WNT16: variants seen among roughly 807,000 people sequenced by gnomAD.
WNT16 encodes protein Wnt-16.
Under a neutral mutation model 35.4 loss-of-function variants are expected in WNT16, and 20 were observed. The ratio of observed to expected loss-of-function variants is 0.56; its 90% CI spans 0.40 to 0.82. The LOEUF (loss-of-function observed/expected upper bound fraction) is 0.82, where lower values mean the gene tolerates loss of function less well. WNT16 is among the 40% of genes least tolerant of loss of function. The pLI is 0.00. For missense variants in WNT16, 461 were observed against 466.0 expected, an observed-to-expected ratio of 0.99 and a Z score of 0.10; for synonymous variants, 180 against 179.2, an observed-to-expected ratio of 1.00 and a Z score of -0.03.
chr7:121,329,903 C>T, intron 2 of WNT16, 86 bp downstream of exon 2: 1 of 1,529,440 alleles, frequency 6.5e-7, no homozygotes. Flanking sequence ...AATAGTGCTA[C>T]GTGGTCCTGT....
rs1793500051 is a variant in WNT16 at position 121,339,523 on chromosome 7, A to C, written c.*178A>C. On this transcript the variant is annotated 3_prime_UTR_variant, in exon 4 of 4. Transcript: ENST00000222462. ...ATATTTTCCTTTATCTGATCAACCC[A>C]TCAATCATGTGGATTTCTTGGGATT... The C allele has an allele frequency of 1.8e-6, 1 of 567,844 alleles. No homozygotes were observed. The highest frequency in any genetic ancestry group is 1.9e-5 in the African/African-American group (1 of 53,858). 35.2% of individuals were successfully genotyped at this position (567,844 alleles called of 1,614,324 possible). A position where few individuals can be genotyped will look rare whatever the true frequency, so the allele number is the denominator to read the frequency against.
chr7:121,327,711 G>A (rs1465250926), upstream of WNT16, among the ~76,000 whole-genome samples: 1 of 152,096 alleles, frequency 6.6e-6, no homozygotes, highest in Admixed American at 6.5e-5. Context: ...CGTCCACCAT[G>A]GGAATGTATT....
rs1391398574 is a variant in WNT16 at position 121,329,614 on chromosome 7, C to T, written c.143C>T (p.Ala48Val). Residue 48 changes from alanine (A) to valine (V), a missense_variant, in exon 2 of 4, where the codon GCC (alanine) becomes GTC (valine). Physicochemically the swap from Ala to Val is moderately conservative, Grantham distance 64. Transcript: ENST00000222462. ...SFGVPEKLGC[A>V]NLPLNSRQKE... ...GGGGTTCCAGAGAAGCTGGGCTGCG[C>T]CAATTTGCCGCTGAACAGCCGCCAG... The T allele has an allele frequency of 5.0e-6, 8 of 1,614,218 alleles. No individual in the cohort carries two copies. The South Asian group carries it at 7.7e-5, about 16-fold the overall frequency.
chr7:121,329,644 A>T lies in WNT16; in HGVS notation c.173A>T (p.Glu58Val), dbSNP rs1341382604. 6.2e-7 allele frequency: 1 copy of T among 1,614,164 alleles called. No individual in the cohort carries two copies. Among genetic ancestry groups the T allele is most frequent in the African/African-American group, 1.3e-5 (1 of 75,042 alleles). ...ANLPLNSRQKELCKRKPYLLP... is the reference protein window; with the variant it reads ...ANLPLNSRQKVLCKRKPYLLP... ...TTGCCGCTGAACAGCCGCCAGAAGG[A>T]GCTGTGCAAGAGGAAACCGTACCTG... is the stretch of plus-strand genomic sequence containing the variant. Residue 58 changes from glutamate (E) to valine (V), a missense_variant, in exon 2 of 4, where the codon GAG becomes GTG. By Grantham distance (121) the Glu-to-Val change is moderately radical. Transcript: ENST00000222462.
rs201359695 is a variant in WNT16, at chr7:121,338,886, C to T, written c.639C>T (p.Val213=). 58 of 1,611,132 alleles carry T rather than the reference C, an allele frequency of 3.6e-5. No individual in the cohort carries two copies. The highest frequency in any genetic ancestry group is 1.7e-4 in the Middle Eastern group (1 of 5,962). The change falls in exon 4 of 4, where the codon GTC becomes GTT. Residue 213 remains valine, a synonymous_variant. Transcript: ENST00000222462. Reference sequence around the variant, plus strand: ...ACAATTACTGTTGGTTTCAGGCTGTCGCCAAGTTGATGTCAGTAGACTGCC... The same window carrying T: ...ACAATTACTGTTGGTTTCAGGCTGTTGCCAAGTTGATGTCAGTAGACTGCC... The part of the protein sequence containing the change: ...LHNNEAGRQA[V]AKLMSVDCRC...
chr7:121,335,474 A>G (rs1793427788), intron 3 of WNT16, among the ~76,000 whole-genome samples: 1 of 152,138 alleles, frequency 6.6e-6, no homozygotes, highest in Non-Finnish European at 1.5e-5. Flanking sequence ...TGTTTGCAAT[A>G]GTTAACAAAA....
rs1793496777 is a variant in WNT16, at chr7:121,339,366, C to T, written c.*21C>T. On this transcript the variant is annotated 3_prime_UTR_variant, in exon 4 of 4. Transcript: ENST00000222462. ...AGTAACCACTCCATCCAGCCTTGGGCAAGATGCCTCAGCAATATACAATGG... is the reference window on the plus strand; with the variant it reads ...AGTAACCACTCCATCCAGCCTTGGGTAAGATGCCTCAGCAATATACAATGG... 1 of 1,597,314 alleles carries T rather than the reference C, an allele frequency of 6.3e-7. No individual in the cohort carries two copies. Among genetic ancestry groups the T allele is most frequent in the African/African-American group, 1.3e-5 (1 of 74,808 alleles).
At chr7:121,338,605 A>G (rs1793476458) in intron 3 of WNT16, among the ~76,000 whole-genome samples, 1 of 152,212 alleles carries the variant, frequency 6.6e-6, no homozygotes, top group South Asian at 2.1e-4. Flanking sequence ...ATCGCAGATA[A>G]TCTCCAATAA....
At chr7:121,334,816 G>T (rs1793414748) in intron 3 of WNT16, among the ~76,000 whole-genome samples, 1 of 152,018 alleles carries the variant, frequency 6.6e-6, no homozygotes, top group African/African-American at 2.4e-5. Flanking sequence ...ATGTGACTTG[G>T]AATATTTATG....
chr7:121,329,272 G>T lies in WNT16; in HGVS notation c.-21G>T, dbSNP rs1408137419. The T allele has an allele frequency of 1.0e-5, 16 of 1,540,322 alleles. No homozygotes were observed. In the East Asian group the frequency reaches 3.8e-4, roughly 37 times the overall value. On this transcript the variant is annotated 5_prime_UTR_variant, in exon 1 of 4. Coordinates refer to ENST00000222462, the MANE Select transcript of WNT16 (RefSeq NM_057168.2). Reference sequence around the variant, plus strand: ...GGTGCAAAAGAGGAGCGGCTGGGCTGGGGGACTCCATGCGGGGGCGATGGA... The same window carrying T: ...GGTGCAAAAGAGGAGCGGCTGGGCTTGGGGACTCCATGCGGGGGCGATGGA...
intron 2 of WNT16, 50 bp from the exon 3 acceptor site, chr7:121,331,628 T>TAA (rs879206744): frequency 1.3e-6 from 2 of 1,564,782 alleles, no homozygotes; most frequent in South Asian, 2.3e-5. Context: ...CTTCTGAACA[T>TAA]AAACAGAAGT....
chr7:121,328,483 G>C (rs1010170840), upstream of WNT16, among the ~76,000 whole-genome samples: 3 of 152,186 alleles, frequency 2.0e-5, no homozygotes, highest in East Asian at 5.8e-4. Flanking sequence ...GTGATTGTAA[G>C]CCTGACAGCA....
At chr7:121,335,409 AC>A (rs1793426223) in intron 3 of WNT16, among the ~76,000 whole-genome samples, 1 of 152,168 alleles carries the variant, frequency 6.6e-6, no homozygotes, top group East Asian at 1.9e-4. Context: ...ATTAAATGCT[AC>A]CCTCCTGATT....
rs752130589 is a variant in WNT16, at chr7:121,339,052, A to C, written c.805A>C (p.Arg269=). The part of the protein sequence containing the change: ...ISDKTKRKMR[R]REKDQRKIPI... Reference sequence around the variant, plus strand: ...AGACAAAACAAAGAGGAAAATGCGCAGGAGAGAAAAAGATCAGAGGAAAAT... The same window carrying C: ...AGACAAAACAAAGAGGAAAATGCGCCGGAGAGAAAAAGATCAGAGGAAAAT... The change falls in exon 4 of 4, where the codon AGG becomes CGG. Residue 269 remains arginine, a synonymous_variant. Transcript: ENST00000222462. The C allele has an allele frequency of 4.3e-6, 7 of 1,614,094 alleles. No homozygotes were observed. In the African/African-American group the frequency reaches 8.0e-5, roughly 18 times the overall value.
chr7:121,340,665 T>G lies in WNT16; in HGVS notation c.*1320T>G, dbSNP rs1175746263. 1.3e-5 allele frequency: 2 copies of G among 152,350 alleles called. No homozygotes were observed. The highest frequency in any genetic ancestry group is 2.9e-5 in the Non-Finnish European group (2 of 67,916). 9.4% of individuals were successfully genotyped at this position (152,350 alleles called of 1,614,324 possible). On this transcript the variant is annotated 3_prime_UTR_variant, in exon 4 of 4. Transcript: ENST00000222462. ...CTGGAAAAAAGAATCTAAATCAGAATAGTGATCAATTTGTGGATTTGATAT... is the reference window on the plus strand; with the variant it reads ...CTGGAAAAAAGAATCTAAATCAGAAGAGTGATCAATTTGTGGATTTGATAT...
In WNT16 at chr7:121,339,029, A is replaced by T. The variant is rs970300815; in HGVS notation, c.782A>T (p.Asp261Val). 1.2e-6 allele frequency: 2 copies of T among 1,614,202 alleles called. No homozygotes were observed. The highest frequency in any genetic ancestry group is 1.7e-6 in the Non-Finnish European group (2 of 1,180,032). ...TATGAAAACAGTATCCAGATATCAG[A>T]CAAAACAAAGAGGAAAATGCGCAGG... is the stretch of plus-strand genomic sequence containing the variant. ...DKYENSIQIS[D>V]KTKRKMRRRE... Residue 261 changes from aspartate (D) to valine (V), a missense_variant, in exon 4 of 4, where the codon GAC (aspartate) becomes GTC (valine). Transcript: ENST00000222462.
At chr7:121,337,323 T>C (rs981118530) in intron 3 of WNT16, among the ~76,000 whole-genome samples, 1 of 152,254 alleles carries the variant, frequency 6.6e-6, no homozygotes, top group Non-Finnish European at 1.5e-5. Context: ...TTATTATTTG[T>C]GTGCAATATT....
chr7:121,330,027 G>T (rs1793313623), intron 2 of WNT16, among the ~76,000 whole-genome samples: 1 of 152,132 alleles, frequency 6.6e-6, no homozygotes, highest in Non-Finnish European at 1.5e-5. Flanking sequence ...GTTCCAGAGC[G>T]GAGCTCTAGG....
chr7:121,335,529 A>T (rs1318380202), intron 3 of WNT16, among the ~76,000 whole-genome samples: 1 of 151,276 alleles, frequency 6.6e-6, no homozygotes, highest in African/African-American at 2.5e-5. Context: ...ACTCAACTAG[A>T]GTAGAGAAAG....
Sources: gnomAD v4.1 joint callset for allele counts (sites outside exome capture counted in the v4.1 genomes callset) on GRCh38, gnomAD v4.1.1 for gene constraint, MANE v1.5 for transcripts, NCBI Gene and HGNC (gene_info 2026-07-23, HGNC 2026-07-21) for gene names.